The following MDM1 variants were observed in gnomAD, a reference collection of about 807,000 sequenced individuals.
MDM1 encodes stabilizer of axonemal microtubules 6.
Under a neutral mutation model 89.1 loss-of-function variants are expected in MDM1, and 61 were observed. The ratio of observed to expected loss-of-function variants is 0.68; its 90% CI spans 0.56 to 0.85. The LOEUF (loss-of-function observed/expected upper bound fraction) is 0.85, where lower values mean the gene tolerates loss of function less well. MDM1 is among the 40% of genes least tolerant of loss of function. The pLI is 0.00. For missense variants in MDM1, 820 were observed against 846.5 expected (o/e 0.97, Z 0.39); for synonymous variants, 290 against 294.1 (o/e 0.99, Z 0.14).
intron 2 of MDM1, 24 bp from the exon 3 acceptor site, chr12:68,327,045 T>C (rs760905042): frequency 3.2e-6 from 5 of 1,542,452 alleles, no homozygotes; most frequent in Non-Finnish European, 4.3e-6. Context: ...TATACAAAAA[T>C]AGTAGCTACT....
intron 4 of MDM1, among the ~76,000 whole-genome samples, chr12:68,324,518 G>T (rs1875679662): frequency 6.6e-6 from 1 of 152,068 alleles, no homozygotes; most frequent in African/African-American, 2.4e-5. Context: ...CAATTTATAG[G>T]ATCACTGGTG....
intron 7 of MDM1, among the ~76,000 whole-genome samples, chr12:68,318,466 C>T (rs970492390): frequency 6.6e-6 from 1 of 152,148 alleles, no homozygotes; most frequent in Non-Finnish European, 1.5e-5. Context: ...CTATTTGTTA[C>T]TGACATTTAA....
At chr12:68,302,036 C>G (rs1011582022) in intron 13 of MDM1, among the ~76,000 whole-genome samples, 2 of 151,962 alleles carry the variant, frequency 1.3e-5, no homozygotes, top group African/African-American at 4.8e-5. Context: ...TGAGAATTTT[C>G]CAGATTGAAA....
At chr12:68,302,985 A>ACACAAGC in intron 12 of MDM1, 113 bp from the exon 13 acceptor site, 7 of 966,796 alleles carry the variant, frequency 7.2e-6, no homozygotes, top group Non-Finnish European at 7.3e-6. Flanking sequence ...GAGAAATATG[A>ACACAAGC]GAGAATTTAT....
chr12:68,309,620 G>A (rs1336999148), intron 12 of MDM1, among the ~76,000 whole-genome samples: 1 of 152,168 alleles, frequency 6.6e-6, no homozygotes, highest in Non-Finnish European at 1.5e-5. Flanking sequence ...TTAATATAAA[G>A]ATTTGAAAAT....
intron 9 of MDM1, 57 bp from the exon 10 acceptor site, chr12:68,315,322 A>G: frequency 6.6e-7 from 1 of 1,511,570 alleles, no homozygotes; most frequent in Non-Finnish European, 9.0e-7. Context: ...TTTCTAATCA[A>G]CACCAATTTT....
chr12:68,304,656 G>A (rs753521354), intron 12 of MDM1, among the ~76,000 whole-genome samples: 1 of 151,814 alleles, frequency 6.6e-6, no homozygotes, highest in Non-Finnish European at 1.5e-5. Context: ...TACAATTGCT[G>A]AAAACACCGG....
chr12:68,318,283 G>T (rs900468786), intron 7 of MDM1, among the ~76,000 whole-genome samples: 1 of 152,166 alleles, frequency 6.6e-6, no homozygotes, highest in African/African-American at 2.4e-5. Context: ...CGGGGCAGTG[G>T]GGGTGGAAGG....
At chr12:68,327,497 T>C (rs1330054833) in intron 2 of MDM1, 1 of 1,535,842 alleles carries the variant, frequency 6.5e-7, no homozygotes, top group Admixed American at 2.0e-5. Context: ...TGGTTCTACA[T>C]CTGCCTTGAT....
At chr12:68,332,073 G>A (rs1407781677) in intron 1 of MDM1, 155 bp downstream of exon 1, 2 of 948,360 alleles carry the variant, frequency 2.1e-6, no homozygotes, top group East Asian at 2.6e-5. Context: ...AGAGGCGGCG[G>A]GCAGATTCTG....
Position 68,325,908 on chromosome 12 carries a change from C to T in MDM1, c.499-333G>A, listed in dbSNP as rs1875899956. ...AAGTCCCAGCACTTTGCCTCACCTG[C>T]ACACTGCTTCTATGAACACCCCTTC... On this transcript the variant is annotated intron_variant, in intron 3 of 14. Transcript: ENST00000682720. 5 of 1,003,294 alleles carry T rather than the reference C, an allele frequency of 5.0e-6. No homozygotes were observed. In the South Asian group the frequency reaches 2.2e-4, roughly 45 times the overall value. The allele number at this position is 1,003,294 out of a possible 1,614,324, so 62.1% of individuals were successfully genotyped here. A position where few individuals can be genotyped will look rare whatever the true frequency, so the allele number is the denominator to read the frequency against.
In MDM1 at chr12:68,327,412, G is replaced by A. The variant is rs765209975; in HGVS notation, c.134-391C>T. 3 of 1,535,530 alleles carry A rather than the reference G, an allele frequency of 2.0e-6. No homozygotes were observed. The African/African-American group carries it at 4.1e-5, about 21-fold the overall frequency. Reference sequence around the variant, plus strand: ...ATGGGCCCTGGTACTGTCAAAATTTGGAACTTTTCACAAAGCTTCTCTTAT... The same window carrying A: ...ATGGGCCCTGGTACTGTCAAAATTTAGAACTTTTCACAAAGCTTCTCTTAT... On this transcript the variant is annotated intron_variant, in intron 2 of 14. Transcript: ENST00000682720.
chr12:68,312,012 C>T (rs1278112553), intron 12 of MDM1, among the ~76,000 whole-genome samples: 2 of 152,132 alleles, frequency 1.3e-5, no homozygotes, highest in African/African-American at 4.8e-5. Flanking sequence ...CGTTTGTCAC[C>T]ACCTCACTGG....
At chr12:68,327,302 A>G (rs912446102) in intron 2 of MDM1, 11 of 1,422,732 alleles carry the variant, frequency 7.7e-6, no homozygotes, top group Non-Finnish European at 1.0e-5. Context: ...AAAAGTCACT[A>G]GAATTGCAAC....
chr12:68,307,275 C>T (rs967223023), intron 12 of MDM1, among the ~76,000 whole-genome samples: 1 of 152,122 alleles, frequency 6.6e-6, no homozygotes, highest in African/African-American at 2.4e-5. Context: ...TCAATAGAAG[C>T]CCAAACCCCA....
intron 4 of MDM1, among the ~76,000 whole-genome samples, chr12:68,324,508 C>A (rs1398665578): frequency 6.6e-6 from 1 of 152,094 alleles, no homozygotes; most frequent in East Asian, 1.9e-4. Context: ...AAAGCTGCCA[C>A]AATTTATAGG....
intron 12 of MDM1, 55 bp downstream of exon 12, chr12:68,313,388 G>A: frequency 2.5e-6 from 3 of 1,185,568 alleles, no homozygotes; most frequent in Admixed American, 1.8e-5. Flanking sequence ...TTTATTACAT[G>A]TGTCTACAAT....
chr12:68,319,082 A>G (rs1396944165), intron 7 of MDM1, among the ~76,000 whole-genome samples: 1 of 152,228 alleles, frequency 6.6e-6, no homozygotes, highest in Non-Finnish European at 1.5e-5. Flanking sequence ...TGATGAAAAG[A>G]TTACCTAACA....
At position 68,314,940 on chromosome 12, in the gene MDM1, A is replaced by C; in HGVS notation, c.1529+8T>G. 1 of 1,524,312 alleles carries C rather than the reference A, an allele frequency of 6.6e-7. No individual in the cohort carries two copies. The highest frequency in any genetic ancestry group is 9.1e-7 in the Non-Finnish European group (1 of 1,099,092). 94.4% of individuals were successfully genotyped at this position (1,524,312 alleles called of 1,614,324 possible). ...GCTTCTCTATACTGAGTAATTTAAA[A>C]CTCTCACCCTTCTTTCATCTTATCT... On this transcript the variant is annotated splice_region_variant and intron_variant, in intron 10 of 14. Transcript: ENST00000682720.
Sources: allele counts gnomAD v4.1 joint callset (sites outside exome capture counted in the v4.1 genomes callset), GRCh38; gene constraint gnomAD v4.1.1; transcripts MANE v1.5; gene names NCBI Gene and HGNC (gene_info 2026-07-23, HGNC 2026-07-21).